CDH12: variants seen among roughly 807,000 people sequenced by gnomAD.
CDH12 encodes cadherin 12.
CDH12 carries 41 observed loss-of-function variants against 74.1 expected under a neutral mutation model. That is an observed-to-expected ratio of 0.55 (90% CI 0.43 to 0.72). CDH12 has a LOEUF of 0.72. Ranked by LOEUF, CDH12 falls within the 30% of genes least tolerant of loss-of-function variation. The pLI is 0.00. For missense variants in CDH12, 945 were observed against 977.2 expected (o/e 0.97, Z 0.44); for synonymous variants, 399 against 355.0 (o/e 1.12, Z -1.39).
intron 2 of CDH12, among the ~76,000 whole-genome samples, chr5:22,409,460 G>C (rs1743088378): frequency 6.6e-6 from 1 of 151,802 alleles, no homozygotes; most frequent in Non-Finnish European, 1.5e-5. Context: ...TTGAAAACTA[G>C]CTTATTTTCC....
intron 11 of CDH12, among the ~76,000 whole-genome samples, chr5:21,765,541 C>CAAA (rs200367776): frequency 3.1e-3 from 257 of 83,868 alleles, no homozygotes; most frequent in Non-Finnish European, 5.4e-3. Context: ...AGAACTATAA[C>CAAA]AAAAAAAAAA....
intron 1 of CDH12, among the ~76,000 whole-genome samples, chr5:22,741,868 A>G (rs1438256411): frequency 6.6e-6 from 1 of 152,188 alleles, no homozygotes; most frequent in African/African-American, 2.4e-5. Context: ...CTTATGATGA[A>G]CAAAATGCTT....
At chr5:22,792,001 T>G (rs1747932418) in intron 1 of CDH12, among the ~76,000 whole-genome samples, 1 of 152,078 alleles carries the variant, frequency 6.6e-6, no homozygotes. Context: ...CAGAGTTAAC[T>G]GGAGACATTT....
At chr5:22,412,440 G>C (rs1282595952) in intron 2 of CDH12, among the ~76,000 whole-genome samples, 2 of 151,828 alleles carry the variant, frequency 1.3e-5, no homozygotes, top group Non-Finnish European at 2.9e-5. Flanking sequence ...TCTGAATAGG[G>C]CTATAGCACA....
chr5:22,728,648 T>C (rs1413316765), intron 1 of CDH12, among the ~76,000 whole-genome samples: 2 of 151,868 alleles, frequency 1.3e-5, no homozygotes, highest in Non-Finnish European at 2.9e-5. Context: ...GTGGGAAAGA[T>C]AAATATTTTG....
intron 6 of CDH12, among the ~76,000 whole-genome samples, chr5:21,882,186 T>G (rs1463322525): frequency 6.6e-6 from 1 of 152,220 alleles, no homozygotes; most frequent in East Asian, 1.9e-4. Context: ...AATTAAGCAA[T>G]GATGCATCAT....
intron 1 of CDH12, among the ~76,000 whole-genome samples, chr5:22,696,087 AGCT>A (rs747990706): frequency 1.3e-5 from 2 of 152,070 alleles, no homozygotes; most frequent in Non-Finnish European, 2.9e-5. Flanking sequence ...ATTATTTTTC[AGCT>A]GGGCGCGGTG....
intron 3 of CDH12, among the ~76,000 whole-genome samples, chr5:22,217,835 G>T (rs1751874123): frequency 6.6e-6 from 1 of 151,540 alleles, no homozygotes; most frequent in African/African-American, 2.4e-5. Flanking sequence ...GAGTAGATAG[G>T]TTTACCCTTT....
chr5:22,384,544 AAAG>A (rs1561362944), intron 3 of CDH12, among the ~76,000 whole-genome samples: 10 of 150,400 alleles, frequency 6.6e-5, no homozygotes, highest in African/African-American at 9.7e-5. Context: ...AAAAAAAGAA[AAAG>A]AAAAAGAAAA....
intron 1 of CDH12, among the ~76,000 whole-genome samples, chr5:22,821,592 C>T (rs1029783907): frequency 2.3e-4 from 35 of 152,082 alleles, no homozygotes; most frequent in Non-Finnish European, 3.1e-4. Flanking sequence ...ACACCAATAA[C>T]AGACAGAGAG....
At chr5:22,206,865 T>G (rs916422006) in intron 4 of CDH12, among the ~76,000 whole-genome samples, 1 of 151,222 alleles carries the variant, frequency 6.6e-6, no homozygotes, top group Non-Finnish European at 1.5e-5. Context: ...GAAATAAAAA[T>G]ACTGAGTCTC....
At chr5:21,796,704 A>T (rs1238281410) in intron 10 of CDH12, among the ~76,000 whole-genome samples, 1 of 152,134 alleles carries the variant, frequency 6.6e-6, no homozygotes, top group Non-Finnish European at 1.5e-5. Flanking sequence ...CAAGGATAAC[A>T]GACTTTTATA....
At chr5:22,385,208 T>C (rs2126398797) in intron 3 of CDH12, among the ~76,000 whole-genome samples, 1 of 152,324 alleles carries the variant, frequency 6.6e-6, no homozygotes, top group South Asian at 2.1e-4. Context: ...AATATATAGA[T>C]ATTGGCTACA....
chr5:21,906,732 T>C (rs963707018), intron 6 of CDH12, among the ~76,000 whole-genome samples: 39 of 152,354 alleles, frequency 2.6e-4, no homozygotes, highest in African/African-American at 8.4e-4. Context: ...TTTTCCACCC[T>C]GGATGCAACA....
chr5:22,242,020 T>C (rs563456008), intron 3 of CDH12, among the ~76,000 whole-genome samples: 1 of 152,234 alleles, frequency 6.6e-6, no homozygotes, highest in East Asian at 1.9e-4. Flanking sequence ...CAATATTTCT[T>C]TATTTGTTAA....
chr5:22,718,511 T>C (rs981691188), intron 1 of CDH12, among the ~76,000 whole-genome samples: 1 of 152,284 alleles, frequency 6.6e-6, no homozygotes, highest in Middle Eastern at 3.4e-3. Flanking sequence ...ATTATCAACT[T>C]CTTAAGTTAA....
At chr5:22,707,911 G>A (rs1743099904) in intron 1 of CDH12, among the ~76,000 whole-genome samples, 2 of 151,986 alleles carry the variant, frequency 1.3e-5, no homozygotes, top group South Asian at 4.1e-4. Flanking sequence ...TGCTATTTCT[G>A]AGAAACTGTA....
chr5:22,669,387 A>T (rs1740789171), intron 1 of CDH12, among the ~76,000 whole-genome samples: 1 of 152,206 alleles, frequency 6.6e-6, no homozygotes, highest in Admixed American at 6.5e-5. Context: ...GACTTCTGGG[A>T]AAAGAGAAAG....
intron 1 of CDH12, among the ~76,000 whole-genome samples, chr5:22,574,707 C>A (rs1445767033): frequency 2.0e-5 from 3 of 152,148 alleles, no homozygotes; most frequent in Non-Finnish European, 4.4e-5. Context: ...ACTTAACTTT[C>A]CTTCTCTTCC....
Sources: gnomAD v4.1 joint callset for allele counts (sites outside exome capture counted in the v4.1 genomes callset) on GRCh38, gnomAD v4.1.1 for gene constraint, MANE v1.5 for transcripts, NCBI Gene and HGNC (gene_info 2026-07-23, HGNC 2026-07-21) for gene names.